ASB15: variants seen among roughly 807,000 people sequenced by gnomAD.
ASB15 encodes the protein ankyrin repeat and SOCS box protein 15.
In ASB15, 54 loss-of-function variants were observed where a neutral mutation model predicts 58.0. The ratio of observed to expected loss-of-function variants is 0.93; its 90% confidence interval spans 0.75 to 1.17. The LOEUF (loss-of-function observed/expected upper bound fraction) is 1.17. Among genes scored for constraint, ASB15 ranks in the 50% most tolerant of loss-of-function variants. The pLI, the probability that ASB15 is intolerant of heterozygous loss-of-function variation, is 0.00. For missense variants in ASB15, 680 were observed against 707.4 expected (o/e 0.96, Z 0.44); for synonymous variants, 249 against 262.4 (o/e 0.95, Z 0.50).
intron 3 of ASB15, among the ~76,000 whole-genome samples, chr7:123,613,438 A>G (rs1800588543): frequency 6.6e-6 from 1 of 152,190 alleles, no homozygotes; most frequent in African/African-American, 2.4e-5. Flanking sequence ...ATATTTACTA[A>G]ATGTCCTCTC....
At chr7:123,587,203 G>T (rs1799398279) in intron 1 of ASB15, among the ~76,000 whole-genome samples, 1 of 151,514 alleles carries the variant, frequency 6.6e-6, no homozygotes, top group African/African-American at 2.4e-5. Context: ...CCATTTATTT[G>T]TGTCTTCTTT....
At position 123,629,120 on chromosome 7, in the gene ASB15, C is replaced by A; in HGVS notation, c.1126C>A (p.Pro376Thr). 1 of 1,614,020 alleles carries A rather than the reference C, an allele frequency of 6.2e-7. No homozygotes were observed. Among genetic ancestry groups the A allele is most frequent in the Non-Finnish European group, 8.5e-7 (1 of 1,179,960 alleles). Residue 376 changes from proline to threonine, a missense_variant, in exon 10 of 12, where the codon CCA becomes ACA. Transcript: ENST00000451215. ...AGTCCTTCTGGCTGCAGGTGCAGAC[C>A]CAAACTTAGATCCCCTCAACTGTCT... ...TEVLLAAGAD[P>T]NLDPLNCLLV...
intron 7 of ASB15, chr7:123,623,292 T>G (rs1488444238): frequency 6.6e-6 from 1 of 152,148 alleles, no homozygotes; most frequent in Non-Finnish European, 1.5e-5. Context: ...GCAGCACTCA[T>G]CCTAATCTGT....
At chr7:123,570,717 TCAGA>T (rs5887143) in intron 1 of ASB15, among the ~76,000 whole-genome samples, 38,908 of 151,908 alleles carry the variant, frequency 0.26, 5,077 homozygotes, top group Admixed American at 0.27. Flanking sequence ...AAGGGAGCTA[TCAGA>T]CAATTTCTCC....
chr7:123,577,331 C>A (rs1799094047), intron 1 of ASB15, among the ~76,000 whole-genome samples: 1 of 152,132 alleles, frequency 6.6e-6, no homozygotes, highest in Admixed American at 6.6e-5. Flanking sequence ...CTGAGAAGAA[C>A]TGTCACTTGT....
intron 1 of ASB15, among the ~76,000 whole-genome samples, chr7:123,589,825 G>T (rs1027183050): frequency 6.6e-6 from 1 of 152,140 alleles, no homozygotes; most frequent in Non-Finnish European, 1.5e-5. Context: ...AATCATTCGG[G>T]TATATACCCA....
chr7:123,581,444 G>A (rs1799233189), intron 1 of ASB15, among the ~76,000 whole-genome samples: 1 of 145,826 alleles, frequency 6.9e-6, no homozygotes, highest in South Asian at 2.2e-4. Context: ...GTACTCTCCA[G>A]ATACCTAGAC....
chr7:123,580,358 C>T (rs929965699), intron 1 of ASB15, among the ~76,000 whole-genome samples: 4 of 151,982 alleles, frequency 2.6e-5, no homozygotes, highest in Non-Finnish European at 5.9e-5. Flanking sequence ...TTGCTTGAGT[C>T]AGTGAGTGAA....
At chr7:123,582,659 G>A (rs1014781922) in intron 1 of ASB15, among the ~76,000 whole-genome samples, 4 of 151,580 alleles carry the variant, frequency 2.6e-5, no homozygotes, top group African/African-American at 4.8e-5. Flanking sequence ...ACATTATCTC[G>A]AAAACTCCTT....
chr7:123,590,539 G>A (rs1799505599), intron 1 of ASB15, among the ~76,000 whole-genome samples: 1 of 152,082 alleles, frequency 6.6e-6, no homozygotes, highest in African/African-American at 2.4e-5. Context: ...TTCTACATAT[G>A]GCTAGCCAGT....
In ASB15 at chr7:123,637,894, A is replaced by C. The variant is rs948986024; in HGVS notation, c.*913A>C. 1.3e-5 allele frequency: 2 copies of C among 149,362 alleles called. No homozygotes were observed. The highest frequency in any genetic ancestry group is 4.9e-5 in the African/African-American group (2 of 40,786). 9.3% of individuals were successfully genotyped at this position (149,362 alleles called of 1,614,324 possible). A position where few individuals can be genotyped will look rare whatever the true frequency, so the allele number is the denominator to read the frequency against. Reference sequence around the variant, plus strand: ...CAGATGAACTAAAAAAAAAAAAAAAAAAAAAACCTCTTTCCCGAGCTCAGT... The same window carrying C: ...CAGATGAACTAAAAAAAAAAAAAAACAAAAAACCTCTTTCCCGAGCTCAGT... On this transcript the variant is annotated 3_prime_UTR_variant, in exon 12 of 12. Transcript: ENST00000451215.
At chr7:123,623,955 GAAA>G (rs1801568928) in intron 7 of ASB15, among the ~76,000 whole-genome samples, 10 of 117,286 alleles carry the variant, frequency 8.5e-5, no homozygotes, top group South Asian at 2.6e-4. Flanking sequence ...AAGAAAGAAA[GAAA>G]GAAAGAAAGA....
intron 3 of ASB15, among the ~76,000 whole-genome samples, chr7:123,610,326 T>G (rs1800370257): frequency 6.6e-6 from 1 of 152,208 alleles, no homozygotes; most frequent in Non-Finnish European, 1.5e-5. Flanking sequence ...TAAAACAAGG[T>G]AATATATGCA....
At chr7:123,594,258 C>G (rs35400230) in intron 1 of ASB15, among the ~76,000 whole-genome samples, 1 of 151,854 alleles carries the variant, frequency 6.6e-6, no homozygotes. Context: ...TTGTTATTAC[C>G]GACTTCTGAG....
At chr7:123,616,185 T>C in intron 4 of ASB15, 36 bp from the exon 5 acceptor site, 2 of 1,458,166 alleles carry the variant, frequency 1.4e-6, no homozygotes, top group African/African-American at 1.4e-5. Context: ...ATATCACTAG[T>C]ATCTAGTATA....
At chr7:123,601,250 G>A (rs975508786), upstream of ASB15, among the ~76,000 whole-genome samples, 2 of 152,012 alleles carry the variant, frequency 1.3e-5, no homozygotes, top group Non-Finnish European at 2.9e-5. Context: ...TTTTTTGCTT[G>A]TTTTATTAAT....
chr7:123,588,799 A>T (rs1799447762), intron 1 of ASB15, among the ~76,000 whole-genome samples: 1 of 151,044 alleles, frequency 6.6e-6, no homozygotes, highest in Non-Finnish European at 1.5e-5. Context: ...AAGAGTTTTT[A>T]AATTTCCCTT....
chr7:123,578,480 C>G (rs1347119615), intron 1 of ASB15, among the ~76,000 whole-genome samples: 1 of 151,996 alleles, frequency 6.6e-6, no homozygotes, highest in Non-Finnish European at 1.5e-5. Flanking sequence ...TTTGTTTCCT[C>G]TATACTTTTA....
chr7:123,612,312 G>A (rs1800511976), intron 3 of ASB15: 2 of 152,188 alleles, frequency 1.3e-5, no homozygotes, highest in Admixed American at 1.3e-4. Context: ...TAGTTGACAA[G>A]GAGAAGGAAT....
Sources: gnomAD v4.1 joint callset for allele counts (sites outside exome capture counted in the v4.1 genomes callset) on GRCh38, gnomAD v4.1.1 for gene constraint, MANE v1.5 for transcripts, NCBI Gene and HGNC (gene_info 2026-07-23, HGNC 2026-07-21) for gene names.